Variants in PLAGL1 observed in about 807,000 individuals in gnomAD.
PLAGL1 encodes the protein PLAG1 like zinc finger 1.
PLAGL1 carries 1 observed loss-of-function variant against 4.6 expected under a neutral mutation model. That is an observed-to-expected ratio of 0.22 (90% confidence interval 0.08 to 1.03). The LOEUF (loss-of-function observed/expected upper bound fraction) is 1.03. Among genes scored for constraint, PLAGL1 ranks in the 50% least tolerant of loss-of-function variants. The pLI is 0.58. For missense variants in PLAGL1, 464 were observed against 570.4 expected (o/e 0.81, Z 1.90); for synonymous variants, 240 against 237.8 (o/e 1.01, Z -0.08).
Position 144,036,674 on chromosome 6 carries a change from T to G in PLAGL1, c.-151+27794A>C, listed in dbSNP as rs529309189. 4.3e-6 allele frequency: 1 copy of G among 230,370 alleles called. No individual in the cohort carries two copies. The highest frequency in any genetic ancestry group is 1.6e-4 in the East Asian group (1 of 6,326). 14.3% of individuals were successfully genotyped at this position (230,370 alleles called of 1,614,324 possible). ...TTTTGTTTGTTTTAACTTGTGAGGCTTCTTCACTACTCAGGGACGAAAGAA... is the reference window on the plus strand; with the variant it reads ...TTTTGTTTGTTTTAACTTGTGAGGCGTCTTCACTACTCAGGGACGAAAGAA... On this transcript the variant is annotated intron_variant, in intron 1 of 3. Coordinates refer to the PLAGL1 transcript ENST00000437412. The surrounding 1 kb of genome is among the most constrained non-coding windows in gnomAD (Gnocchi z 5.1).
At position 143,940,635 on chromosome 6, in the gene PLAGL1, A is replaced by C. The variant is rs992592297; in HGVS notation, c.*789T>G. 1.3e-5 allele frequency: 2 copies of C among 152,424 alleles called. No individual in the cohort carries two copies. Among genetic ancestry groups the C allele is most frequent in the African/African-American group, 4.8e-5 (2 of 41,436 alleles). 9.4% of individuals were successfully genotyped at this position (152,424 alleles called of 1,614,324 possible). A position where few individuals can be genotyped will look rare whatever the true frequency, so the allele number is the denominator to read the frequency against. On this transcript the variant is annotated 3_prime_UTR_variant, in exon 8 of 8. Coordinates refer to ENST00000674357, the MANE Select transcript of PLAGL1 (RefSeq NM_001317162.2). The stretch of plus-strand genomic sequence containing the variant: ...TTTTTAATTCCAGTAATATTTTCTT[A>C]AATTCCTGTTAAAAATATAATCAAT...
At chr6:144,014,992 A>G (rs1795474568) in intron 1 of PLAGL1, among the ~76,000 whole-genome samples, 1 of 152,222 alleles carries the variant, frequency 6.6e-6, no homozygotes, top group Non-Finnish European at 1.5e-5. Context: ...CATGCATTTC[A>G]CGCCATTCAC....
chr6:144,020,223 CTG>C (rs1367723074), intron 1 of PLAGL1, among the ~76,000 whole-genome samples: 1 of 152,184 alleles, frequency 6.6e-6, no homozygotes, highest in African/African-American at 2.4e-5. Flanking sequence ...AGCTCCCAGA[CTG>C]TGGGAAATAA....
intron 1 of PLAGL1, among the ~76,000 whole-genome samples, chr6:144,017,491 C>T (rs908915341): frequency 6.6e-6 from 1 of 152,218 alleles, no homozygotes; most frequent in Non-Finnish European, 1.5e-5. Flanking sequence ...AGAAGACTCA[C>T]AAGGTGAAGT....
intron 1 of PLAGL1, among the ~76,000 whole-genome samples, chr6:144,047,117 C>T (rs1413782996): frequency 1.3e-5 from 2 of 152,216 alleles, no homozygotes; most frequent in African/African-American, 4.8e-5. Context: ...CTTCCCTTGG[C>T]TAGGAAAGGC....
rs76320860 is a variant in PLAGL1, at chr6:143,989,189, C to T, written c.-583-4015G>A. 0.064 allele frequency among the ~76,000 whole-genome samples: 9,685 copies of T among 152,192 alleles called. 424 individuals are homozygous for T. Among genetic ancestry groups the T allele is most frequent in the East Asian group, 0.19 (985 of 5,168 alleles). ...GGGGTGCCCCAGGGGACATTAAAAA[C>T]GCACAGAAACAATAGAGTGGAAAGG... On this transcript the variant is annotated intron_variant, in intron 1 of 7. Coordinates refer to ENST00000674357, the MANE Select transcript of PLAGL1 (RefSeq NM_001317162.2). The surrounding 1 kb of genome is among the most constrained non-coding windows in gnomAD (Gnocchi z 4.8).
chr6:144,002,292 T>A (rs1247553282), intron 1 of PLAGL1, among the ~76,000 whole-genome samples: 1 of 152,058 alleles, frequency 6.6e-6, no homozygotes, highest in Non-Finnish European at 1.5e-5. Flanking sequence ...GTAAAGAACA[T>A]CTACAAAAAA....
In PLAGL1 at chr6:143,945,579, G is replaced by T. The variant is rs181709329; in HGVS notation, c.152+2406C>A. Among the ~76,000 whole-genome samples the T allele has an allele frequency of 3.3e-5, 5 of 152,110 alleles. No individual in the cohort carries two copies. Among genetic ancestry groups the T allele is most frequent in the Non-Finnish European group, 7.4e-5 (5 of 68,008 alleles). Reference sequence around the variant, plus strand: ...CAACCTCTGCCTCCCGGGTTCAAGTGATCCTCCTACCTCAGCCTCCCGAGT... The same window carrying T: ...CAACCTCTGCCTCCCGGGTTCAAGTTATCCTCCTACCTCAGCCTCCCGAGT... On this transcript the variant is annotated intron_variant, in intron 7 of 7. Transcript: ENST00000674357. This position sits in a 1 kb window ranked among gnomAD's most constrained non-coding sequence, Gnocchi z 4.2.
rs544251608 is a variant in PLAGL1, at chr6:143,959,666, A to G, written c.-325+803T>C. Among the ~76,000 whole-genome samples, 8 of 152,316 alleles carry G rather than the reference A, an allele frequency of 5.3e-5. No individual in the cohort carries two copies. The highest frequency in any genetic ancestry group is 1.2e-4 in the African/African-American group (5 of 41,562). On this transcript the variant is annotated intron_variant, in intron 6 of 7. Transcript: ENST00000674357. This position sits in a 1 kb window ranked among gnomAD's most constrained non-coding sequence, Gnocchi z 5.3. ...CCTAAGAGATAGGTAGAAGGGCATC[A>G]TTGTCCCCATTTCACAAATGAGGAA...
chr6:143,942,110 C>T lies in PLAGL1; in HGVS notation c.706G>A (p.Ala236Thr), dbSNP rs1175014897. 6.2e-7 allele frequency: 1 copy of T among 1,613,996 alleles called. No homozygotes were observed. The highest frequency in any genetic ancestry group is 8.5e-7 in the Non-Finnish European group (1 of 1,180,030). ...AAAGGGAAAGGAGGCAAGGCAGCAG[C>T]CTTCAGTTGGAATGAAGGCGAGATG... The part of the protein sequence containing the change: ...HTISPSFQLK[A>T]AALPPFPLGA... The change falls in exon 8 of 8, where the codon GCT (alanine) becomes ACT (threonine). Residue 236 changes from alanine to threonine, a missense_variant. Coordinates refer to ENST00000674357, the MANE Select transcript of PLAGL1 (RefSeq NM_001317162.2). This position sits in a 1 kb window ranked among gnomAD's most constrained non-coding sequence, Gnocchi z 7.6.
Position 144,027,992 on chromosome 6 carries a change from C to T in PLAGL1, c.-151+36476G>A, listed in dbSNP as rs1294707451. Among the ~76,000 whole-genome samples, 9 of 152,246 alleles carry T rather than the reference C, an allele frequency of 5.9e-5. No individual in the cohort carries two copies. The highest frequency in any genetic ancestry group is 1.0e-4 in the Non-Finnish European group (7 of 68,002). On this transcript the variant is annotated intron_variant, in intron 1 of 3. Coordinates refer to the PLAGL1 transcript ENST00000437412. This position sits in a 1 kb window ranked among gnomAD's most constrained non-coding sequence, Gnocchi z 5.8. ...AAGGAAATATAAAGAATTCAAAACT[C>T]CAAAAATGCACAGGATTGTCCCTTT...
intron 1 of PLAGL1, among the ~76,000 whole-genome samples, chr6:144,040,191 A>G (rs191126678): frequency 1.2e-4 from 18 of 152,230 alleles, no homozygotes; most frequent in Non-Finnish European, 2.2e-4. Flanking sequence ...CACTCAAAAT[A>G]GAAAATATTT....
At chr6:144,045,021 CT>C (rs1798030640) in intron 1 of PLAGL1, among the ~76,000 whole-genome samples, 48 of 22,508 alleles carry the variant, frequency 2.1e-3, no homozygotes, top group Non-Finnish European at 2.3e-3. Context: ...TTTTTTTTGG[CT>C]TTCCATTTGC....
intron 6 of PLAGL1, among the ~76,000 whole-genome samples, chr6:143,951,542 T>C (rs371911512): frequency 6.6e-6 from 1 of 152,250 alleles, no homozygotes; most frequent in Non-Finnish European, 1.5e-5. Context: ...GCTTATTCAA[T>C]TGAAAAACTT....
chr6:143,972,792 G>A lies in PLAGL1; in HGVS notation c.-543-3814C>T, dbSNP rs1785682711. ...CTTTCCTCTCAAGGCAAAAATAAAAGAATCACCTGATTGTATCATGGTTAA... is the reference window on the plus strand; with the variant it reads ...CTTTCCTCTCAAGGCAAAAATAAAAAAATCACCTGATTGTATCATGGTTAA... On this transcript the variant is annotated intron_variant, in intron 2 of 7. Coordinates refer to ENST00000674357, the MANE Select transcript of PLAGL1 (RefSeq NM_001317162.2). The surrounding 1 kb of genome is among the most constrained non-coding windows in gnomAD (Gnocchi z 6.8). Among the ~76,000 whole-genome samples the A allele has an allele frequency of 6.6e-6, 1 of 152,020 alleles. No homozygotes were observed. Among genetic ancestry groups the A allele is most frequent in the Non-Finnish European group, 1.5e-5 (1 of 67,986 alleles).
In PLAGL1 at chr6:143,960,795, A is replaced by C. The variant is rs1783229385; in HGVS notation, c.-398-253T>G. The C allele has an allele frequency of 6.6e-6, 1 of 152,246 alleles. No homozygotes were observed. The highest frequency in any genetic ancestry group is 2.1e-4 in the South Asian group (1 of 4,836). The allele number at this position is 152,246 out of a possible 1,614,324, so 9.4% of individuals were successfully genotyped here. ...TGCAAGTGGAAAAAAAAGAACACAC[A>C]AAATTGCTTACATAATATATTCAGA... On this transcript the variant is annotated intron_variant, in intron 5 of 7. Coordinates refer to ENST00000674357, the MANE Select transcript of PLAGL1 (RefSeq NM_001317162.2). The surrounding 1 kb of genome is among the most constrained non-coding windows in gnomAD (Gnocchi z 5.7).
At chr6:144,051,615 A>G (rs1583889329) in intron 1 of PLAGL1, among the ~76,000 whole-genome samples, 1 of 152,256 alleles carries the variant, frequency 6.6e-6, no homozygotes, top group East Asian at 1.9e-4. Flanking sequence ...TGATAAAGAC[A>G]TATCATAACT....
chr6:143,992,366 C>T (rs1178070560), intron 1 of PLAGL1, among the ~76,000 whole-genome samples: 1 of 152,188 alleles, frequency 6.6e-6, no homozygotes, highest in African/African-American at 2.4e-5. Context: ...TGCAAGTCCA[C>T]AGTGGATGTT....
intron 2 of PLAGL1, among the ~76,000 whole-genome samples, chr6:143,980,170 C>T (rs993923760): frequency 5.3e-5 from 8 of 152,162 alleles, no homozygotes; most frequent in Admixed American, 2.6e-4. Flanking sequence ...TATTTGATTA[C>T]GGTGTCCCTT....
Sources: gnomAD v4.1 joint callset for allele counts (sites outside exome capture counted in the v4.1 genomes callset) on GRCh38, gnomAD v4.1.1 for gene constraint, Gnocchi (gnomAD v3.1) non-coding constraint, MANE v1.5 for transcripts, NCBI Gene and HGNC (gene_info 2026-07-23, HGNC 2026-07-21) for gene names.